Variants in CAPZA1 observed in about 807,000 individuals in gnomAD.
The protein encoded by CAPZA1 is capping actin protein of muscle Z-line subunit alpha 1, also known as F-actin-capping protein subunit alpha-1.
CAPZA1 carries 10 observed loss-of-function variants against 40.8 expected under a neutral mutation model. The ratio of observed to expected loss-of-function variants is 0.25; its 90% CI spans 0.15 to 0.42. CAPZA1 has a LOEUF of 0.42. Among genes scored for constraint, CAPZA1 ranks in the 10% least tolerant of loss-of-function variants. The probability of loss-of-function intolerance (pLI) is 1.00; values close to 1 mark genes in which losing one functional copy is unlikely to be tolerated. For synonymous variants in CAPZA1, 98 were observed against 115.0 expected (o/e 0.85, Z 0.95); for missense variants, 277 against 353.8 (o/e 0.78, Z 1.74).
chr1:112,638,825 C>T (rs906048946), intron 1 of CAPZA1, among the ~76,000 whole-genome samples: 1 of 151,004 alleles, frequency 6.6e-6, no homozygotes, highest in East Asian at 1.9e-4. Context: ...ATCCCAGCTA[C>T]CCAGGAGGCA....
intron 5 of CAPZA1, among the ~76,000 whole-genome samples, chr1:112,655,416 G>T (rs972465054): frequency 1.3e-5 from 2 of 152,170 alleles, no homozygotes; most frequent in African/African-American, 2.4e-5. Flanking sequence ...GGTGGAGGTT[G>T]CAGTGAGCTG....
intron 1 of CAPZA1, among the ~76,000 whole-genome samples, chr1:112,626,432 CAA>C (rs34614213): frequency 1.1e-4 from 14 of 126,570 alleles, no homozygotes; most frequent in Non-Finnish European, 1.2e-4. Context: ...CGGTCTCTAC[CAA>C]AAAAAAAAAA....
At chr1:112,640,509 C>T (rs1248148580) in intron 1 of CAPZA1, among the ~76,000 whole-genome samples, 3 of 138,960 alleles carry the variant, frequency 2.2e-5, no homozygotes, top group Non-Finnish European at 4.7e-5. Flanking sequence ...GCCCCCCGTC[C>T]GGGAGGTGAG....
chr1:112,626,877 T>C (rs1215661484), intron 1 of CAPZA1, among the ~76,000 whole-genome samples: 1 of 152,260 alleles, frequency 6.6e-6, no homozygotes, highest in Non-Finnish European at 1.5e-5. Flanking sequence ...AGTGTAGTCA[T>C]GGTATAACAT....
At chr1:112,664,141 A>G (rs1671675263) in intron 7 of CAPZA1, among the ~76,000 whole-genome samples, 1 of 151,110 alleles carries the variant, frequency 6.6e-6, no homozygotes, top group African/African-American at 2.4e-5. Flanking sequence ...CTGAGGCAGG[A>G]GAATTGCTTG....
intron 1 of CAPZA1, among the ~76,000 whole-genome samples, chr1:112,629,609 T>C (rs866824933): frequency 6.6e-6 from 1 of 152,230 alleles, no homozygotes; most frequent in Admixed American, 6.5e-5. Flanking sequence ...TGTGAGGCCA[T>C]ATTGAGGACT....
At chr1:112,643,402 G>A (rs1472377270) in intron 1 of CAPZA1, among the ~76,000 whole-genome samples, 2 of 152,116 alleles carry the variant, frequency 1.3e-5, no homozygotes. Context: ...CCCTGTCAAG[G>A]CAGGGTTCTA....
chr1:112,624,420 C>T (rs182064430), intron 1 of CAPZA1, among the ~76,000 whole-genome samples: 5 of 151,884 alleles, frequency 3.3e-5, no homozygotes, highest in Admixed American at 3.3e-4. Context: ...ACCAGCCTGA[C>T]CAACACGGTG....
chr1:112,633,147 C>T (rs1670953466), intron 1 of CAPZA1, among the ~76,000 whole-genome samples: 1 of 152,190 alleles, frequency 6.6e-6, no homozygotes, highest in South Asian at 2.1e-4. Context: ...GGTCACCATG[C>T]AGTGCAGTAG....
intron 1 of CAPZA1, among the ~76,000 whole-genome samples, chr1:112,643,278 C>T (rs1034088534): frequency 6.6e-6 from 1 of 152,112 alleles, no homozygotes; most frequent in Non-Finnish European, 1.5e-5. Context: ...GGATTTCTTC[C>T]TGATTAGAAT....
chr1:112,660,276 TTGAC>T (rs1332707377), intron 7 of CAPZA1, among the ~76,000 whole-genome samples: 1 of 151,818 alleles, frequency 6.6e-6, no homozygotes, highest in Admixed American at 6.6e-5. Flanking sequence ...GATTGATTGA[TTGAC>T]TGATTGATTG....
intron 1 of CAPZA1, among the ~76,000 whole-genome samples, chr1:112,628,839 CTTG>C (rs1371459082): frequency 1.2e-4 from 18 of 152,358 alleles, no homozygotes; most frequent in African/African-American, 3.8e-4. Context: ...TCACAATCCA[CTTG>C]TTGTCCACTG....
At chr1:112,651,115 C>A (rs531338268) in intron 3 of CAPZA1, among the ~76,000 whole-genome samples, 1 of 152,276 alleles carries the variant, frequency 6.6e-6, no homozygotes, top group Non-Finnish European at 1.5e-5. Context: ...TTATTGCCTT[C>A]AGTCTGTATA....
intron 5 of CAPZA1, among the ~76,000 whole-genome samples, chr1:112,658,049 T>G (rs3013439): frequency 0.51 from 77,566 of 152,084 alleles, 20,224 homozygotes; most frequent in South Asian, 0.65. Context: ...TACCACTTCC[T>G]GAGTGACCTT....
intron 7 of CAPZA1, among the ~76,000 whole-genome samples, chr1:112,662,311 A>C (rs551508127): frequency 3.3e-5 from 5 of 150,802 alleles, no homozygotes; most frequent in African/African-American, 9.8e-5. Context: ...GGGTCTCACT[A>C]TATTGCCCAG....
intron 7 of CAPZA1, among the ~76,000 whole-genome samples, chr1:112,666,198 C>T (rs1671722389): frequency 6.6e-6 from 1 of 152,206 alleles, no homozygotes; most frequent in South Asian, 2.1e-4. Flanking sequence ...CTTTTTTACA[C>T]ATATTCATAT....
chr1:112,625,484 T>C (rs1298587404), intron 1 of CAPZA1, among the ~76,000 whole-genome samples: 1 of 152,160 alleles, frequency 6.6e-6, no homozygotes, highest in Non-Finnish European at 1.5e-5. Flanking sequence ...GCTACTGAGA[T>C]AGAAAGATTA....
rs187031827 is a variant in CAPZA1 at position 112,669,277 on chromosome 1, C to T, written c.658-266C>T. On this transcript the variant is annotated intron_variant, in intron 8 of 9. Transcript: ENST00000263168. Reference sequence around the variant, plus strand: ...TTGGTGAAGACCTAATTTCAGATCCCATCTTTATCATTCAAAAGCTGTATA... The same window carrying T: ...TTGGTGAAGACCTAATTTCAGATCCTATCTTTATCATTCAAAAGCTGTATA... Among the ~76,000 whole-genome samples, 5 of 152,196 alleles carry T rather than the reference C, an allele frequency of 3.3e-5. No individual in the cohort carries two copies. The East Asian group carries it at 5.8e-4, about 18-fold the overall frequency.
At chr1:112,619,916 C>T (rs199900757) in intron 1 of CAPZA1, 33 bp downstream of exon 1, 2 of 1,574,588 alleles carry the variant, frequency 1.3e-6, no homozygotes, top group East Asian at 2.3e-5. Context: ...TTACCTCCTC[C>T]CCCGACAGGG....
Sources: gnomAD v4.1 joint callset for allele counts (sites outside exome capture counted in the v4.1 genomes callset) on GRCh38, gnomAD v4.1.1 for gene constraint, MANE v1.5 for transcripts, NCBI Gene and HGNC (gene_info 2026-07-23, HGNC 2026-07-21) for gene names.